Variants in MTMR3 observed in about 807,000 individuals in gnomAD.
MTMR3 encodes the protein phosphatidylinositol-3,5-bisphosphate 3-phosphatase MTMR3.
A neutral mutation model predicts 132.4 loss-of-function variants in MTMR3; 32 were observed. The observed-to-expected ratio is 0.24, with a 90% CI of 0.18 to 0.32. The LOEUF is 0.32. Among genes scored for constraint, MTMR3 ranks in the 10% least tolerant of loss-of-function variants. MTMR3 has a pLI of 1.00. For synonymous variants in MTMR3, 556 were observed against 550.3 expected (o/e 1.01, Z -0.14); for missense variants, 1,216 against 1,489.6 (o/e 0.82, Z 3.02).
intron 1 of MTMR3, among the ~76,000 whole-genome samples, chr22:29,884,577 T>A (rs1025639806): frequency 1.3e-4 from 17 of 131,832 alleles, no homozygotes; most frequent in African/African-American, 4.6e-4. Context: ...TTTTTTTTTT[T>A]TTTAAGACAG....
chr22:29,972,983 T>C (rs1403342637), intron 3 of MTMR3, among the ~76,000 whole-genome samples: 1 of 152,262 alleles, frequency 6.6e-6, no homozygotes, highest in Non-Finnish European at 1.5e-5. Flanking sequence ...TTAAACATTC[T>C]CCCATGTTGA....
At chr22:29,891,108 A>G (rs2064789696) in intron 1 of MTMR3, among the ~76,000 whole-genome samples, 1 of 143,620 alleles carries the variant, frequency 7.0e-6, no homozygotes, top group African/African-American at 2.5e-5. Flanking sequence ...CTTTGAGAAA[A>G]GAGAAAAAGA....
intron 1 of MTMR3, among the ~76,000 whole-genome samples, chr22:29,886,275 A>G (rs1276347950): frequency 6.6e-6 from 1 of 152,178 alleles, no homozygotes; most frequent in Non-Finnish European, 1.5e-5. Flanking sequence ...TTCAGTGCTT[A>G]TTGTTTGGAA....
intron 19 of MTMR3, chr22:30,025,381 C>A: frequency 1.9e-6 from 1 of 539,652 alleles, no homozygotes; most frequent in East Asian, 3.3e-5. Context: ...ACCTGAGCAG[C>A]ATTCTTTTGA....
rs556914269 is a variant in MTMR3, at chr22:30,017,777, A to AGAG, written c.1675-148_1675-147insGGA. On this transcript the variant is annotated intron_variant, in intron 15 of 19. Coordinates refer to ENST00000401950, the MANE Select transcript of MTMR3 (RefSeq NM_021090.4). Reference sequence around the variant, plus strand: ...AGTCCTGTATTGGTCCTCTTGGGATAGACCTGTATCCATTGGTGCTGCTTC... The same window carrying AGAG: ...AGTCCTGTATTGGTCCTCTTGGGATAGAGGACCTGTATCCATTGGTGCTGCTTC... 274 of 907,372 alleles carry AGAG rather than the reference A, an allele frequency of 3.0e-4. 3 individuals carry two copies. The African/African-American group carries it at 4.1e-3, about 14-fold the overall frequency. The allele number at this position is 907,372 out of a possible 1,614,324, so 56.2% of individuals were successfully genotyped here.
At chr22:29,893,352 C>G (rs2064833819) in intron 1 of MTMR3, among the ~76,000 whole-genome samples, 1 of 152,096 alleles carries the variant, frequency 6.6e-6, no homozygotes, top group African/African-American at 2.4e-5. Flanking sequence ...TGTGTAACTC[C>G]TGTGGCAAGA....
intron 1 of MTMR3, among the ~76,000 whole-genome samples, chr22:29,925,742 C>T (rs145575748): frequency 6.5e-4 from 99 of 151,954 alleles, no homozygotes; most frequent in African/African-American, 2.2e-3. Flanking sequence ...AAGACGAACC[C>T]GTCTCTACTA....
rs767316356 is a variant in MTMR3, at chr22:30,025,777, G to A, written c.3573G>A (p.Lys1191=). ...TSSSIDLELD[K]PIAATSN Reference sequence around the variant, plus strand: ...CCAGCATTGACCTTGAACTGGATAAGCCCATTGCTGCCACTTCCAACTGAA... The same window carrying A: ...CCAGCATTGACCTTGAACTGGATAAACCCATTGCTGCCACTTCCAACTGAA... The change falls in exon 20 of 20, where the codon AAG becomes AAA. Residue 1191 remains lysine (K), a synonymous_variant. Coordinates refer to ENST00000401950, the MANE Select transcript of MTMR3 (RefSeq NM_021090.4). The A allele has an allele frequency of 6.2e-7, 1 of 1,614,096 alleles. No homozygotes were observed. The highest frequency in any genetic ancestry group is 1.1e-5 in the South Asian group (1 of 91,078).
chr22:29,926,496 A>T (rs140448942), intron 1 of MTMR3, among the ~76,000 whole-genome samples: 2 of 152,360 alleles, frequency 1.3e-5, no homozygotes, highest in African/African-American at 4.8e-5. Context: ...ACCATGTCAC[A>T]TTCCTATCAG....
chr22:29,955,913 A>G (rs1024755046), intron 1 of MTMR3, among the ~76,000 whole-genome samples: 3 of 152,086 alleles, frequency 2.0e-5, no homozygotes, highest in African/African-American at 7.2e-5. Flanking sequence ...CACCACACCC[A>G]GCTAATTTTT....
At chr22:29,939,119 A>G (rs1310219344) in intron 1 of MTMR3, among the ~76,000 whole-genome samples, 1 of 152,138 alleles carries the variant, frequency 6.6e-6, no homozygotes, top group African/African-American at 2.4e-5. Context: ...ACTGTGCCTA[A>G]CTGAAAACTA....
In MTMR3 at chr22:30,016,701, A is replaced by T. The variant is rs375361729; in HGVS notation, c.1674+3A>T. 7 of 1,610,768 alleles carry T rather than the reference A, an allele frequency of 4.3e-6. No homozygotes were observed. The highest frequency in any genetic ancestry group is 5.9e-6 in the Non-Finnish European group (7 of 1,178,068). ...TGTATTCCTCTCAGTCAGAAGCCGT[A>T]TGTATCCTTCAGCCTTTCCACTGTG... On this transcript the variant is annotated splice_donor_region_variant and intron_variant, in intron 15 of 19. Transcript: ENST00000401950.
At chr22:29,901,689 C>G (rs1410146767) in intron 1 of MTMR3, among the ~76,000 whole-genome samples, 1 of 152,070 alleles carries the variant, frequency 6.6e-6, no homozygotes, top group African/African-American at 2.4e-5. Context: ...TAAACAAAAT[C>G]ATGCAGTATT....
intron 2 of MTMR3, among the ~76,000 whole-genome samples, chr22:29,958,953 G>GT (rs1220933354): frequency 6.6e-6 from 1 of 152,118 alleles, no homozygotes; most frequent in African/African-American, 2.4e-5. Flanking sequence ...TTAGGTTACT[G>GT]TTTTTTCCCC....
intron 1 of MTMR3, among the ~76,000 whole-genome samples, chr22:29,888,297 T>G (rs2064718527): frequency 6.6e-6 from 1 of 152,146 alleles, no homozygotes; most frequent in Non-Finnish European, 1.5e-5. Context: ...TCCTCCTGCT[T>G]TGGCCTCCCA....
intron 6 of MTMR3, chr22:29,991,200 C>T (rs147699560): frequency 5.4e-6 from 1 of 185,254 alleles, no homozygotes; most frequent in Non-Finnish European, 1.1e-5. Context: ...AAACTCCACT[C>T]ATGAAAGAGA....
chr22:30,014,491 T>A (rs1303874608), intron 14 of MTMR3: 1 of 141,602 alleles, frequency 7.1e-6, no homozygotes, highest in African/African-American at 2.6e-5. Flanking sequence ...TTCCCCTTAA[T>A]CCCTCCAGTT....
At position 30,012,428 on chromosome 22, in the gene MTMR3, A is replaced by G. The variant is rs765872321; in HGVS notation, c.1182A>G (p.Ser394=). The G allele has an allele frequency of 3.7e-6, 6 of 1,614,198 alleles. No individual in the cohort carries two copies. The highest frequency in any genetic ancestry group is 5.1e-6 in the Non-Finnish European group (6 of 1,180,030). ...WLHHLSVLLK[S]ALLVVHAVDQ... is the part of the protein sequence containing the mutation. ...ATCACTTGTCTGTGCTTCTGAAATC[A>G]GCGCTTCTGGTAGTGCATGCTGTGG... Residue 394 remains serine, a synonymous_variant, in exon 13 of 20, where the codon TCA becomes TCG. Coordinates refer to ENST00000401950, the MANE Select transcript of MTMR3 (RefSeq NM_021090.4).
At chr22:30,004,551 T>A (rs1247324818) in intron 9 of MTMR3, 1 of 152,172 alleles carries the variant, frequency 6.6e-6, no homozygotes, top group Admixed American at 6.5e-5. Context: ...TTTCCCCCCC[T>A]TTTTCTAGAG....
Sources: allele counts gnomAD v4.1 joint callset (sites outside exome capture counted in the v4.1 genomes callset), GRCh38; gene constraint gnomAD v4.1.1; transcripts MANE v1.5; gene names NCBI Gene and HGNC (gene_info 2026-07-23, HGNC 2026-07-21).